Variants in PIBF1 observed in about 807,000 individuals in gnomAD.
PIBF1 encodes the protein progesterone immunomodulatory binding factor 1.
PIBF1 carries 90 observed loss-of-function variants against 112.5 expected under a neutral mutation model. The ratio of observed to expected loss-of-function variants is 0.80; its 90% CI spans 0.67 to 0.95. PIBF1 has a LOEUF of 0.95. Among genes scored for constraint, PIBF1 ranks in the 40% least tolerant of loss-of-function variants. The pLI is 0.00. For synonymous variants in PIBF1, 301 were observed against 288.6 expected, an observed-to-expected ratio of 1.04 and a Z score of -0.44; for missense variants, 915 against 852.3, an observed-to-expected ratio of 1.07 and a Z score of -0.92.
At chr13:72,820,630 CTT>C (rs1162874790) in intron 5 of PIBF1, among the ~76,000 whole-genome samples, 1 of 152,162 alleles carries the variant, frequency 6.6e-6, no homozygotes, top group African/African-American at 2.4e-5. Flanking sequence ...ACAAAATCGT[CTT>C]ACTCATCTTT....
intron 11 of PIBF1, among the ~76,000 whole-genome samples, chr13:72,894,841 C>T (rs1267549968): frequency 6.8e-6 from 1 of 147,468 alleles, no homozygotes. Flanking sequence ...TACAGATGAT[C>T]CAGGGGCAGT....
intron 13 of PIBF1, 130 bp from the exon 14 acceptor site, chr13:72,931,035 C>G (rs2041680300): frequency 1.6e-6 from 1 of 623,192 alleles, no homozygotes; most frequent in African/African-American, 1.9e-5. Flanking sequence ...TTATTTGACT[C>G]TATATTTTTT....
At chr13:72,820,816 G>C (rs921313717) in intron 5 of PIBF1, among the ~76,000 whole-genome samples, 1 of 152,130 alleles carries the variant, frequency 6.6e-6, no homozygotes, top group African/African-American at 2.4e-5. Flanking sequence ...TGCAAGATTT[G>C]ATGAGTTCAA....
intron 9 of PIBF1, among the ~76,000 whole-genome samples, chr13:72,851,823 C>A (rs562515428): frequency 6.6e-6 from 1 of 152,366 alleles, no homozygotes; most frequent in Non-Finnish European, 1.5e-5. Flanking sequence ...TCTGGACGAT[C>A]TGCCTGCAGA....
At chr13:72,984,068 A>G (rs919751258) in intron 16 of PIBF1, among the ~76,000 whole-genome samples, 4 of 152,172 alleles carry the variant, frequency 2.6e-5, no homozygotes, top group African/African-American at 9.7e-5. Flanking sequence ...TATTTTCCCT[A>G]TAAAGTTTTA....
chr13:72,787,506 T>C (rs2034662474), intron 2 of PIBF1, among the ~76,000 whole-genome samples: 1 of 152,180 alleles, frequency 6.6e-6, no homozygotes, highest in African/African-American at 2.4e-5. Flanking sequence ...AGAAGGTTCA[T>C]GGGGTATTTT....
intron 10 of PIBF1, among the ~76,000 whole-genome samples, chr13:72,888,969 A>G (rs2039959586): frequency 6.6e-6 from 1 of 151,968 alleles, no homozygotes; most frequent in South Asian, 2.1e-4. Context: ...GAAGGCTGAG[A>G]TAGGAGGATG....
intron 10 of PIBF1, chr13:72,881,264 A>G (rs750193097): frequency 6.6e-6 from 1 of 152,310 alleles, no homozygotes; most frequent in African/African-American, 2.4e-5. Flanking sequence ...CCAAAAAACT[A>G]TTAGAATTGA....
At chr13:72,878,284 A>G (rs997930468) in intron 10 of PIBF1, among the ~76,000 whole-genome samples, 4 of 152,072 alleles carry the variant, frequency 2.6e-5, no homozygotes, top group African/African-American at 4.8e-5. Context: ...CTTTTCTAAT[A>G]TACGTATTTA....
chr13:72,801,951 T>G (rs2035500120), intron 5 of PIBF1, among the ~76,000 whole-genome samples: 1 of 152,208 alleles, frequency 6.6e-6, no homozygotes, highest in Non-Finnish European at 1.5e-5. Flanking sequence ...TATGTAAAAC[T>G]TAGAGCATCC....
intron 15 of PIBF1, among the ~76,000 whole-genome samples, chr13:72,972,018 T>G (rs1467869211): frequency 6.7e-6 from 1 of 149,370 alleles, no homozygotes. Flanking sequence ...ATTTATTTAT[T>G]TATTTATTTA....
intron 5 of PIBF1, among the ~76,000 whole-genome samples, chr13:72,821,020 C>T (rs2138119472): frequency 6.6e-6 from 1 of 152,242 alleles, no homozygotes; most frequent in Admixed American, 6.5e-5. Flanking sequence ...AAAGAGAAAA[C>T]TAATGTGATG....
intron 5 of PIBF1, among the ~76,000 whole-genome samples, chr13:72,812,745 AGCCT>A (rs1447654695): frequency 6.6e-6 from 1 of 151,842 alleles, no homozygotes; most frequent in Admixed American, 6.6e-5. Flanking sequence ...GATTGTGTCC[AGCCT>A]GGAAGACAGA....
At chr13:72,981,653 T>C (rs2043160875) in intron 16 of PIBF1, among the ~76,000 whole-genome samples, 1 of 152,224 alleles carries the variant, frequency 6.6e-6, no homozygotes, top group Non-Finnish European at 1.5e-5. Flanking sequence ...AAATGAATGA[T>C]GTACATAAAA....
chr13:72,872,426 A>G (rs1438678370), intron 10 of PIBF1, among the ~76,000 whole-genome samples: 6 of 152,190 alleles, frequency 3.9e-5, no homozygotes, highest in South Asian at 2.1e-4. Flanking sequence ...CCATTTAGGT[A>G]TAGAAATAGA....
At chr13:72,955,494 G>T (rs889777279) in intron 14 of PIBF1, among the ~76,000 whole-genome samples, 11 of 151,822 alleles carry the variant, frequency 7.2e-5, no homozygotes, top group Admixed American at 2.0e-4. Context: ...AACAAATAAG[G>T]TAATTGTTTA....
At chr13:72,843,764 T>C (rs2037716231) in intron 9 of PIBF1, among the ~76,000 whole-genome samples, 2 of 152,166 alleles carry the variant, frequency 1.3e-5, no homozygotes, top group South Asian at 4.1e-4. Flanking sequence ...CAAAAGTGCT[T>C]ATCTGAGATC....
intron 17 of PIBF1, among the ~76,000 whole-genome samples, chr13:73,009,564 G>T (rs1417845620): frequency 1.3e-5 from 2 of 152,134 alleles, no homozygotes; most frequent in East Asian, 3.9e-4. Flanking sequence ...CAAGAAATAG[G>T]ATTAGATATG....
chr13:72,812,380 C>T (rs1428903814), intron 5 of PIBF1, among the ~76,000 whole-genome samples: 1 of 151,854 alleles, frequency 6.6e-6, no homozygotes, highest in South Asian at 2.1e-4. Flanking sequence ...ATGTCATTGC[C>T]CATGTTTGCA....
Sources: allele counts gnomAD v4.1 joint callset (sites outside exome capture counted in the v4.1 genomes callset), GRCh38; gene constraint gnomAD v4.1.1; transcripts MANE v1.5; gene names NCBI Gene and HGNC (gene_info 2026-07-23, HGNC 2026-07-21).